ANO4: variants seen among roughly 807,000 people sequenced by gnomAD.
The protein encoded by ANO4 is anoctamin 4.
Under a neutral mutation model 141.9 loss-of-function variants are expected in ANO4, and 69 were observed. The ratio of observed to expected loss-of-function variants is 0.49; its 90% CI spans 0.40 to 0.59. The LOEUF (loss-of-function observed/expected upper bound fraction) is 0.59. Among genes scored for constraint, ANO4 ranks in the 20% least tolerant of loss-of-function variants. The probability of loss-of-function intolerance (pLI) is 0.00; values close to 1 mark genes in which losing one functional copy is unlikely to be tolerated. For missense variants in ANO4, 894 were observed against 1,162.2 expected (o/e 0.77, Z 3.36); for synonymous variants, 350 against 394.3 (o/e 0.89, Z 1.33).
At chr12:101,114,815 G>A (rs1346172238) in intron 24 of ANO4, among the ~76,000 whole-genome samples, 1 of 152,154 alleles carries the variant, frequency 6.6e-6, no homozygotes, top group African/African-American at 2.4e-5. Context: ...TCCTAGGTAA[G>A]GGAGACATCA....
chr12:101,099,466 C>T, intron 21 of ANO4, 112 bp from the exon 22 acceptor site: 2 of 988,552 alleles, frequency 2.0e-6, no homozygotes. Flanking sequence ...CTTTGATAGC[C>T]TGTCCTGAAT....
intron 8 of ANO4, among the ~76,000 whole-genome samples, chr12:101,001,924 C>G (rs932457497): frequency 9.9e-5 from 15 of 152,096 alleles, no homozygotes; most frequent in Admixed American, 6.5e-5. Context: ...TCTCACTTCC[C>G]ACTTTCCTCA....
chr12:100,976,879 G>A (rs776757296), intron 7 of ANO4, among the ~76,000 whole-genome samples: 1 of 152,194 alleles, frequency 6.6e-6, no homozygotes, highest in Non-Finnish European at 1.5e-5. Context: ...CAGTATTCTA[G>A]ATTCTAAAAA....
chr12:100,988,573 T>C (rs1025147078), intron 8 of ANO4, among the ~76,000 whole-genome samples: 5 of 150,526 alleles, frequency 3.3e-5, no homozygotes, highest in Admixed American at 1.3e-4. Context: ...GTTGCTGATT[T>C]TGTGAGAAAG....
chr12:101,039,274 G>A (rs1176125632), intron 10 of ANO4, among the ~76,000 whole-genome samples: 2 of 152,182 alleles, frequency 1.3e-5, no homozygotes, highest in Non-Finnish European at 2.9e-5. Context: ...GGAGGCCGAG[G>A]GGGACAGATC....
intron 1 of ANO4, among the ~76,000 whole-genome samples, chr12:100,833,011 C>T (rs2036708868): frequency 6.6e-6 from 1 of 152,120 alleles, no homozygotes; most frequent in Admixed American, 6.6e-5. Context: ...GAGACTGACA[C>T]TTCTGACCAA....
intron 8 of ANO4, among the ~76,000 whole-genome samples, chr12:100,988,311 T>C (rs1023952750): frequency 4.6e-5 from 7 of 152,024 alleles, no homozygotes; most frequent in African/African-American, 1.7e-4. Flanking sequence ...GCTTCTGAGA[T>C]GACAAGAAAT....
chr12:100,805,992 A>T (rs1247523014), intron 1 of ANO4, among the ~76,000 whole-genome samples: 2 of 152,274 alleles, frequency 1.3e-5, no homozygotes, highest in East Asian at 1.9e-4. Flanking sequence ...CTAACAGCAA[A>T]TATGATCAAT....
intron 3 of ANO4, among the ~76,000 whole-genome samples, chr12:100,746,530 A>G (rs1176855568): frequency 6.6e-6 from 1 of 152,188 alleles, no homozygotes; most frequent in African/African-American, 2.4e-5. Flanking sequence ...AAAAGATCCC[A>G]CTTAGAAGAA....
chr12:100,752,312 T>G (rs1344059923), intron 3 of ANO4, among the ~76,000 whole-genome samples: 1 of 152,156 alleles, frequency 6.6e-6, no homozygotes, highest in Non-Finnish European at 1.5e-5. Context: ...GAAATATTTA[T>G]GTATTGTGAC....
chr12:101,097,583 T>C, intron 19 of ANO4, 68 bp from the exon 20 acceptor site: 2 of 1,460,906 alleles, frequency 1.4e-6, no homozygotes, highest in African/African-American at 2.8e-5. Context: ...TGTGCTAAAC[T>C]AAATGTAATA....
At chr12:100,733,625 G>A (rs1207302537) in intron 1 of ANO4, 12 of 546,886 alleles carry the variant, frequency 2.2e-5, no homozygotes, top group South Asian at 1.5e-4. Flanking sequence ...CTCCCTAAAC[G>A]TTGATGGGTG....
chr12:101,040,883 C>T (rs188356747), intron 11 of ANO4, among the ~76,000 whole-genome samples: 2 of 151,992 alleles, frequency 1.3e-5, no homozygotes, highest in East Asian at 1.9e-4. Context: ...GATAGTTTGC[C>T]GAGAATGATG....
intron 1 of ANO4, among the ~76,000 whole-genome samples, chr12:100,825,947 T>G (rs139973895): frequency 1.3e-5 from 2 of 152,186 alleles, no homozygotes; most frequent in African/African-American, 4.8e-5. Flanking sequence ...AAAATTACTT[T>G]ATTATAGAAG....
chr12:100,777,162 G>A (rs182747560), intron 3 of ANO4, among the ~76,000 whole-genome samples: 5 of 146,732 alleles, frequency 3.4e-5, no homozygotes, highest in Admixed American at 6.9e-5. Flanking sequence ...GCGTGATCTC[G>A]ACTCACTGCA....
intron 8 of ANO4, among the ~76,000 whole-genome samples, chr12:101,018,856 A>G (rs1388860086): frequency 6.6e-6 from 1 of 152,054 alleles, no homozygotes; most frequent in African/African-American, 2.4e-5. Flanking sequence ...TCCCCACTAT[A>G]CTGTAAGCTT....
At chr12:100,895,920 T>G (rs1001229320) in intron 1 of ANO4, among the ~76,000 whole-genome samples, 2 of 152,076 alleles carry the variant, frequency 1.3e-5, no homozygotes, top group African/African-American at 2.4e-5. Context: ...ACTCATCAAG[T>G]GTCTCTTGAG....
chr12:101,110,478 A>G lies in ANO4; in HGVS notation c.2224A>G (p.Ile742Val), dbSNP rs780293692. The change falls in exon 23 of 28, where the codon ATA (isoleucine) becomes GTA (valine). Residue 742 changes from isoleucine to valine, a missense_variant. By Grantham distance (29) the Ile-to-Val change is conservative (BLOSUM62 3). Coordinates refer to ENST00000392977, the MANE Select transcript of ANO4 (RefSeq NM_001286615.2). Reference sequence around the variant, plus strand: ...ACCACTTCTGGCCTTACTGAATAACATAATTGAAATTCGACTTGATGCTTA... The same window carrying G: ...ACCACTTCTGGCCTTACTGAATAACGTAATTGAAATTCGACTTGATGCTTA... Reference protein sequence around the residue: ...LAPLLALLNNIIEIRLDAYKF... With the variant: ...LAPLLALLNNVIEIRLDAYKF... The G allele has an allele frequency of 9.9e-6, 16 of 1,612,170 alleles. No homozygotes were observed. The highest frequency in any genetic ancestry group is 2.2e-5 in the East Asian group (1 of 44,828).
chr12:100,866,334 AT>A (rs1240085547), intron 1 of ANO4, among the ~76,000 whole-genome samples: 1 of 152,128 alleles, frequency 6.6e-6, no homozygotes, highest in Non-Finnish European at 1.5e-5. Context: ...GCAGTTCTTG[AT>A]TCTGAAGCAT....
Sources: gnomAD v4.1 joint callset for allele counts (sites outside exome capture counted in the v4.1 genomes callset) on GRCh38, gnomAD v4.1.1 for gene constraint, MANE v1.5 for transcripts, NCBI Gene and HGNC (gene_info 2026-07-23, HGNC 2026-07-21) for gene names.